Variants in RBFOX1 observed in about 807,000 individuals in gnomAD.
The protein encoded by RBFOX1 is RNA binding protein fox-1 homolog 1.
RBFOX1 carries 8 observed loss-of-function variants against 57.7 expected under a neutral mutation model. The observed-to-expected ratio is 0.14, with a 90% CI of 0.08 to 0.25. The LOEUF is 0.25. Ranked by LOEUF, RBFOX1 falls within the 10% of genes least tolerant of loss-of-function variation. The pLI, the probability that RBFOX1 is intolerant of heterozygous loss-of-function variation, is 1.00. For synonymous variants in RBFOX1, 326 were observed against 222.4 expected, an observed-to-expected ratio of 1.47 and a Z score of -4.15; for missense variants, 611 against 548.5, an observed-to-expected ratio of 1.11 and a Z score of -1.14.
At chr16:6,142,827 T>G (rs919503994) in intron 1 of RBFOX1, among the ~76,000 whole-genome samples, 2 of 152,164 alleles carry the variant, frequency 1.3e-5, no homozygotes, top group African/African-American at 4.8e-5. Flanking sequence ...TCCTTTTTGT[T>G]TGTAGATCGT....
At chr16:7,529,925 C>G (rs2079603255) in intron 5 of RBFOX1, among the ~76,000 whole-genome samples, 1 of 148,754 alleles carries the variant, frequency 6.7e-6, no homozygotes, top group Admixed American at 6.9e-5. Context: ...AGGAGAATCA[C>G]TTGAATGCAG....
chr16:7,314,390 A>T (rs147998415), intron 4 of RBFOX1, among the ~76,000 whole-genome samples: 1 of 152,284 alleles, frequency 6.6e-6, no homozygotes, highest in African/African-American at 2.4e-5. Flanking sequence ...TGCAGTGAAG[A>T]CTGCTTCATA....
chr16:6,670,618 T>A (rs945725145), intron 3 of RBFOX1, among the ~76,000 whole-genome samples: 7 of 152,196 alleles, frequency 4.6e-5, no homozygotes, highest in Non-Finnish European at 1.0e-4. Context: ...CCATATAATA[T>A]ACCAATCTCT....
intron 2 of RBFOX1, among the ~76,000 whole-genome samples, chr16:6,519,063 G>T (rs181517912): frequency 6.6e-6 from 1 of 151,802 alleles, no homozygotes; most frequent in Non-Finnish European, 1.5e-5. Context: ...CTCCCTTCTC[G>T]GTGAGAAGCT....
intron 1 of RBFOX1, among the ~76,000 whole-genome samples, chr16:5,351,968 T>C (rs1040682100): frequency 4.6e-5 from 7 of 152,108 alleles, no homozygotes; most frequent in African/African-American, 1.7e-4. Context: ...CACGCTCGGC[T>C]AATTTTTTTG....
chr16:6,527,567 G>C (rs1320195984), intron 2 of RBFOX1, among the ~76,000 whole-genome samples: 1 of 152,024 alleles, frequency 6.6e-6, no homozygotes, highest in African/African-American at 2.4e-5. Context: ...ACACATTTTT[G>C]TTTTATTATT....
chr16:6,928,853 C>T (rs774846940), intron 3 of RBFOX1, among the ~76,000 whole-genome samples: 14 of 152,034 alleles, frequency 9.2e-5, no homozygotes, highest in Non-Finnish European at 1.5e-4. Context: ...CAGTTAAAAC[C>T]ACCACCACCA....
intron 2 of RBFOX1, among the ~76,000 whole-genome samples, chr16:6,379,500 G>A (rs2091565911): frequency 6.6e-6 from 1 of 151,984 alleles, no homozygotes; most frequent in South Asian, 2.1e-4. Flanking sequence ...GTTCATAGGA[G>A]GGCATAAGAA....
chr16:6,948,480 T>G (rs2080025527), intron 3 of RBFOX1, among the ~76,000 whole-genome samples: 1 of 149,084 alleles, frequency 6.7e-6, no homozygotes, highest in Non-Finnish European at 1.5e-5. Context: ...CCTCCTTGGT[T>G]CAAGCGATTC....
intron 3 of RBFOX1, among the ~76,000 whole-genome samples, chr16:6,897,046 T>G (rs1406776712): frequency 6.6e-6 from 1 of 152,142 alleles, no homozygotes; most frequent in African/African-American, 2.4e-5. Context: ...ACCTGAGCTC[T>G]CCACACCTTC....
chr16:6,742,305 A>G (rs1252109641), intron 3 of RBFOX1, among the ~76,000 whole-genome samples: 2 of 152,182 alleles, frequency 1.3e-5, no homozygotes, highest in East Asian at 1.9e-4. Context: ...CACATGTTAA[A>G]CAGGTAAAAT....
intron 1 of RBFOX1, among the ~76,000 whole-genome samples, chr16:6,241,240 A>G (rs1276020402): frequency 6.6e-6 from 1 of 152,206 alleles, no homozygotes. Flanking sequence ...CAATGAAGCC[A>G]TGCCTATTTA....
chr16:6,223,587 G>C (rs1209153473), intron 1 of RBFOX1, among the ~76,000 whole-genome samples: 2 of 152,146 alleles, frequency 1.3e-5, no homozygotes, highest in Admixed American at 6.5e-5. Context: ...GTTCATTGTA[G>C]ATTCTGGATA....
intron 4 of RBFOX1, among the ~76,000 whole-genome samples, chr16:7,467,967 A>G (rs961258144): frequency 6.6e-6 from 1 of 152,234 alleles, no homozygotes; most frequent in African/African-American, 2.4e-5. Context: ...TAAGAGGGAA[A>G]ACCTTTAGCT....
chr16:7,098,398 G>C (rs1236033153), intron 4 of RBFOX1, among the ~76,000 whole-genome samples: 4 of 152,122 alleles, frequency 2.6e-5, no homozygotes, highest in Non-Finnish European at 4.4e-5. Flanking sequence ...TCAAACTCCT[G>C]ACCTCAAGTG....
intron 1 of RBFOX1, among the ~76,000 whole-genome samples, chr16:6,166,644 G>A (rs1041499389): frequency 1.2e-4 from 18 of 152,014 alleles, no homozygotes; most frequent in Admixed American, 4.6e-4. Context: ...TGAGCATAAC[G>A]CCGGTCCCTG....
chr16:7,582,220 T>G, intron 6 of RBFOX1, among the ~76,000 whole-genome samples: 1 of 152,172 alleles, frequency 6.6e-6, no homozygotes, highest in East Asian at 1.9e-4. Flanking sequence ...ACTGACAAGA[T>G]GTCAATTTGG....
intron 4 of RBFOX1, among the ~76,000 whole-genome samples, chr16:7,327,031 A>G (rs1344518515): frequency 6.6e-6 from 1 of 152,150 alleles, no homozygotes. Flanking sequence ...TGTGATCACT[A>G]TTAAAAGAGT....
At chr16:7,452,687 G>T (rs1372443535) in intron 4 of RBFOX1, among the ~76,000 whole-genome samples, 1 of 152,116 alleles carries the variant, frequency 6.6e-6, no homozygotes, top group Non-Finnish European at 1.5e-5. Context: ...TGAATTTTAG[G>T]CTACACTGCT....
Sources: allele counts gnomAD v4.1 joint callset (sites outside exome capture counted in the v4.1 genomes callset), GRCh38; gene constraint gnomAD v4.1.1; transcripts MANE v1.5; gene names NCBI Gene and HGNC (gene_info 2026-07-23, HGNC 2026-07-21).